Variants in COL8A1 observed in about 807,000 individuals in gnomAD.
The protein encoded by COL8A1 is collagen alpha-1(VIII) chain.
In COL8A1, 21 loss-of-function variants were observed where a neutral mutation model predicts 42.7. That is an observed-to-expected ratio of 0.49 (90% CI 0.35 to 0.71). The LOEUF (loss-of-function observed/expected upper bound fraction) is 0.71, where lower values mean the gene tolerates loss of function less well. Ranked by LOEUF, COL8A1 falls within the 30% of genes least tolerant of loss-of-function variation. The pLI is 0.01. For synonymous variants in COL8A1, 367 were observed against 369.1 expected, an observed-to-expected ratio of 0.99 and a Z score of 0.06; for missense variants, 788 against 962.4, an observed-to-expected ratio of 0.82 and a Z score of 2.40.
At chr3:99,731,360 G>T (rs1303207782) in intron 1 of COL8A1, among the ~76,000 whole-genome samples, 2 of 152,118 alleles carry the variant, frequency 1.3e-5, no homozygotes, top group African/African-American at 4.8e-5. Flanking sequence ...ATAGACAGAG[G>T]AATGGCAAAG....
At chr3:99,786,555 C>G (rs1941900466) in intron 2 of COL8A1, among the ~76,000 whole-genome samples, 1 of 152,106 alleles carries the variant, frequency 6.6e-6, no homozygotes, top group African/African-American at 2.4e-5. Flanking sequence ...CTTTATAAAC[C>G]ACTCAACCTA....
At chr3:99,723,426 G>A (rs1391770758) in intron 1 of COL8A1, among the ~76,000 whole-genome samples, 1 of 152,086 alleles carries the variant, frequency 6.6e-6, no homozygotes, top group Non-Finnish European at 1.5e-5. Context: ...GTAAATGCTA[G>A]ACAGTGGCAA....
At chr3:99,732,535 C>T (rs1303113424) in intron 1 of COL8A1, among the ~76,000 whole-genome samples, 5 of 152,128 alleles carry the variant, frequency 3.3e-5, no homozygotes, top group African/African-American at 2.4e-5. Context: ...CACTCACTCA[C>T]TATCCTGAGA....
At chr3:99,640,012 G>A (rs1196348196) in intron 1 of COL8A1, among the ~76,000 whole-genome samples, 1 of 151,998 alleles carries the variant, frequency 6.6e-6, no homozygotes, top group African/African-American at 2.4e-5. Context: ...TTTAACTTAG[G>A]TCTTCCAAAC....
At chr3:99,736,495 A>T (rs1217156921) in intron 1 of COL8A1, among the ~76,000 whole-genome samples, 13 of 152,148 alleles carry the variant, frequency 8.5e-5, no homozygotes, top group Non-Finnish European at 1.9e-4. Context: ...TGTACCCAGT[A>T]GTCATTCAGG....
chr3:99,732,428 C>T (rs538661819), intron 1 of COL8A1, among the ~76,000 whole-genome samples: 9 of 152,104 alleles, frequency 5.9e-5, no homozygotes, highest in Non-Finnish European at 1.0e-4. Context: ...CATGGTGAAA[C>T]GGGAAGCAAA....
chr3:99,784,403 T>C (rs1941852518), intron 2 of COL8A1, among the ~76,000 whole-genome samples: 2 of 152,232 alleles, frequency 1.3e-5, no homozygotes, highest in South Asian at 4.1e-4. Flanking sequence ...TTATGTGTCA[T>C]TTAACAACAG....
Position 99,787,888 on chromosome 3 carries a change from A to C in COL8A1, c.-3-2792A>C, listed in dbSNP as rs551866114. ...CACACACACACACCCACACCCACAC[A>C]CACACACACCAGCTGTCAAACAAAT... On this transcript the variant is annotated intron_variant, in intron 2 of 3. Coordinates refer to ENST00000652472, the MANE Select transcript of COL8A1 (RefSeq NM_020351.4). 5.4e-3 allele frequency among the ~76,000 whole-genome samples: 645 copies of C among 118,484 alleles called. 5 individuals are homozygous for C. Among genetic ancestry groups the C allele is most frequent in the African/African-American group, 0.02 (585 of 29,812 alleles). The allele number at this position is 118,484 out of a possible 152,430, so 77.7% of individuals were successfully genotyped here.
chr3:99,691,065 G>A (rs1379952000), intron 1 of COL8A1, among the ~76,000 whole-genome samples: 1 of 152,168 alleles, frequency 6.6e-6, no homozygotes, highest in Admixed American at 6.5e-5. Flanking sequence ...TTTCCTGTAT[G>A]CAAGTTCTGC....
At position 99,751,878 on chromosome 3, in the gene COL8A1, G is replaced by A. The variant is rs1292262393; in HGVS notation, c.-4+6857G>A. Among the ~76,000 whole-genome samples the A allele has an allele frequency of 9.2e-5, 14 of 152,322 alleles. No individual in the cohort carries two copies. In the South Asian group the frequency reaches 1.9e-3, roughly 20 times the overall value. On this transcript the variant is annotated intron_variant, in intron 2 of 3. Coordinates refer to ENST00000652472, the MANE Select transcript of COL8A1 (RefSeq NM_020351.4). ...CTTTAGTGAGTCAAGCAATTGAAATGAGCGTTCTTAGCCACTTTTAAGACA... is the reference window on the plus strand; with the variant it reads ...CTTTAGTGAGTCAAGCAATTGAAATAAGCGTTCTTAGCCACTTTTAAGACA...
chr3:99,733,628 T>C (rs1426252450), intron 1 of COL8A1, among the ~76,000 whole-genome samples: 1 of 152,056 alleles, frequency 6.6e-6, no homozygotes, highest in African/African-American at 2.4e-5. Context: ...TGTGTCTTTA[T>C]AGCAGCATGA....
At chr3:99,769,800 T>A (rs914323698) in intron 2 of COL8A1, among the ~76,000 whole-genome samples, 12 of 152,074 alleles carry the variant, frequency 7.9e-5, no homozygotes, top group African/African-American at 2.9e-4. Flanking sequence ...GCACTTGCAG[T>A]CCCAGCTACT....
rs540336201 is a variant in COL8A1, at chr3:99,797,668, G to A, written c.*1532G>A. On this transcript the variant is annotated 3_prime_UTR_variant, in exon 4 of 4. Coordinates refer to ENST00000652472, the MANE Select transcript of COL8A1 (RefSeq NM_020351.4). The stretch of plus-strand genomic sequence containing the variant: ...TTTGAAAAAATAATTCTGAAATTTC[G>A]AATTTAAAAACAGATGTGCTGCTTC... The A allele has an allele frequency of 1.3e-5, 2 of 152,198 alleles. No homozygotes were observed. The highest frequency in any genetic ancestry group is 1.9e-4 in the East Asian group (1 of 5,184). 9.4% of individuals were successfully genotyped at this position (152,198 alleles called of 1,614,324 possible). A position where few individuals can be genotyped will look rare whatever the true frequency, so the allele number is the denominator to read the frequency against.
At chr3:99,687,113 G>C (rs1485917368) in intron 1 of COL8A1, among the ~76,000 whole-genome samples, 1 of 152,146 alleles carries the variant, frequency 6.6e-6, no homozygotes, top group Non-Finnish European at 1.5e-5. Flanking sequence ...CAAAGTGCTG[G>C]GATTACAGGC....
intron 1 of COL8A1, among the ~76,000 whole-genome samples, chr3:99,718,677 A>T (rs1053800560): frequency 2.0e-5 from 3 of 151,958 alleles, no homozygotes; most frequent in African/African-American, 7.2e-5. Context: ...TTAGAAGTTA[A>T]CCTTTTTTCT....
chr3:99,642,193 CACAA>C (rs1480327772), intron 1 of COL8A1, among the ~76,000 whole-genome samples: 1 of 152,268 alleles, frequency 6.6e-6, no homozygotes, highest in African/African-American at 2.4e-5. Context: ...CACATTTCAA[CACAA>C]ACAGAGAAAA....
chr3:99,700,851 T>C (rs1237179002), intron 1 of COL8A1, among the ~76,000 whole-genome samples: 3 of 152,184 alleles, frequency 2.0e-5, no homozygotes, highest in Non-Finnish European at 4.4e-5. Context: ...ATGTGTATGC[T>C]GGACTTTTGG....
At chr3:99,676,179 C>G (rs1938687026) in intron 1 of COL8A1, among the ~76,000 whole-genome samples, 2 of 152,022 alleles carry the variant, frequency 1.3e-5, no homozygotes, top group Non-Finnish European at 2.9e-5. Context: ...AAAACTAAAT[C>G]ATTTTTGTAA....
intron 1 of COL8A1, among the ~76,000 whole-genome samples, chr3:99,711,283 G>A (rs1939828268): frequency 6.6e-6 from 1 of 152,186 alleles, no homozygotes; most frequent in Non-Finnish European, 1.5e-5. Context: ...AAAGGTGATC[G>A]TTATTCAGTA....
Sources: allele counts gnomAD v4.1 joint callset (sites outside exome capture counted in the v4.1 genomes callset), GRCh38; gene constraint gnomAD v4.1.1; transcripts MANE v1.5; gene names NCBI Gene and HGNC (gene_info 2026-07-23, HGNC 2026-07-21).